The following SCAF8 variants were observed in gnomAD, a reference collection of about 807,000 sequenced individuals.
SCAF8 encodes the protein SR-related and CTD-associated factor 8.
A neutral mutation model predicts 140.5 loss-of-function variants in SCAF8; 23 were observed. That is an observed-to-expected ratio of 0.16 (90% confidence interval 0.12 to 0.23). The LOEUF (loss-of-function observed/expected upper bound fraction) is 0.23. Among genes scored for constraint, SCAF8 ranks in the 10% least tolerant of loss-of-function variants. SCAF8 has a pLI of 1.00. For missense variants in SCAF8, 1,397 were observed against 1,555.7 expected, an observed-to-expected ratio of 0.90 and a Z score of 1.72; for synonymous variants, 575 against 528.9, an observed-to-expected ratio of 1.09 and a Z score of -1.20.
At chr6:154,811,227 C>G (rs1390831164) in intron 12 of SCAF8, among the ~76,000 whole-genome samples, 1 of 152,096 alleles carries the variant, frequency 6.6e-6, no homozygotes, top group African/African-American at 2.4e-5. Flanking sequence ...GAAATAATGT[C>G]AAACGTTTAA....
In SCAF8 at chr6:154,833,119, A is replaced by G. The variant is rs147943454; in HGVS notation, c.3540A>G (p.Arg1180=). The change falls in exon 20 of 20, where the codon CGA becomes CGG. Residue 1180 remains arginine (R), a synonymous_variant. Transcript: ENST00000367178. ...CREMNGNRLG[R]DRIQNTWVPP... is the part of the protein sequence containing the mutation. The stretch of plus-strand genomic sequence containing the variant: ...AAATGAATGGAAATCGTCTTGGACG[A>G]GACAGAATTCAAAACACTTGGGTTC... 156 of 1,614,012 alleles carry G rather than the reference A, an allele frequency of 9.7e-5. No individual in the cohort carries two copies. The highest frequency in any genetic ancestry group is 1.6e-4 in the Middle Eastern group (1 of 6,084).
intron 4 of SCAF8, among the ~76,000 whole-genome samples, chr6:154,790,551 C>CCCAGGCTG (rs1777388215): frequency 8.8e-6 from 1 of 113,430 alleles, no homozygotes. Flanking sequence ...CGCTCTGTTG[C>CCCAGGCTG]CCAGGCTGGA....
At position 154,827,240 on chromosome 6, in the gene SCAF8, T is replaced by C; in HGVS notation, c.2140T>C (p.Ser714Pro). 6.3e-7 allele frequency: 1 copy of C among 1,594,748 alleles called. No homozygotes were observed. Among genetic ancestry groups the C allele is most frequent in the Non-Finnish European group, 8.5e-7 (1 of 1,170,536 alleles). The stretch of plus-strand genomic sequence containing the variant: ...TACGATTCCACCAGTAGTACCAACA[T>C]GTAAGTTTTCTACTTTTAGAGTTTT... ...PPTIPPVVPT[S>P]LVQPSLSMTP... The change falls in exon 18 of 20, where the codon TCT (serine) becomes CCT (proline). Residue 714 changes from serine (S) to proline (P), a missense_variant and splice_region_variant. Transcript: ENST00000367178.
rs562260423 is a variant in SCAF8, at chr6:154,781,698, G to T, written c.159+3653G>T. Among the ~76,000 whole-genome samples the T allele has an allele frequency of 6.0e-4, 91 of 152,184 alleles. 1 individual carries two copies. Among genetic ancestry groups the T allele is most frequent in the Non-Finnish European group, 6.0e-4 (41 of 68,038 alleles). On this transcript the variant is annotated intron_variant, in intron 3 of 19. Coordinates refer to ENST00000367178, the MANE Select transcript of SCAF8 (RefSeq NM_014892.5). ...ACAGTTTAATCATTCACTCATTGGGGTTCATCTGGGTTGTTTGTAGTTTTT... is the reference window on the plus strand; with the variant it reads ...ACAGTTTAATCATTCACTCATTGGGTTTCATCTGGGTTGTTTGTAGTTTTT...
At chr6:154,774,404 A>T (rs942180091) in intron 2 of SCAF8, among the ~76,000 whole-genome samples, 1 of 152,282 alleles carries the variant, frequency 6.6e-6, no homozygotes, top group Admixed American at 6.5e-5. Flanking sequence ...TAACATTTTG[A>T]TAAATGTTCT....
chr6:154,774,108 A>G (rs1188353051), intron 2 of SCAF8, 36 bp downstream of exon 2: 1 of 1,306,666 alleles, frequency 7.7e-7, no homozygotes, highest in Non-Finnish European at 1.1e-6. Flanking sequence ...TTTTCAAAAG[A>G]AAAAACTATA....
At chr6:154,734,320 T>A (rs1212291707) in intron 1 of SCAF8, among the ~76,000 whole-genome samples, 1 of 152,102 alleles carries the variant, frequency 6.6e-6, no homozygotes, top group African/African-American at 2.4e-5. Context: ...TGGACATGAC[T>A]CTCCAGACCT....
intron 13 of SCAF8, among the ~76,000 whole-genome samples, chr6:154,816,798 G>C (rs996603274): frequency 6.6e-6 from 1 of 152,092 alleles, no homozygotes; most frequent in Non-Finnish European, 1.5e-5. Context: ...TTCTTTATTT[G>C]AGTTGAGTTG....
chr6:154,769,164 A>C (rs1443921326), intron 1 of SCAF8, among the ~76,000 whole-genome samples: 1 of 152,054 alleles, frequency 6.6e-6, no homozygotes, highest in East Asian at 1.9e-4. Context: ...TTTGAAACAT[A>C]ATGTATTATC....
chr6:154,734,070 A>T, intron 1 of SCAF8, 140 bp downstream of exon 1: 2 of 1,287,602 alleles, frequency 1.6e-6, no homozygotes, highest in African/African-American at 1.5e-5. Flanking sequence ...CCCGTGGGGG[A>T]GGGGTGTTTC....
chr6:154,808,023 CA>C, intron 9 of SCAF8, 46 bp from the exon 10 acceptor site: 1 of 1,537,232 alleles, frequency 6.5e-7, no homozygotes, highest in Non-Finnish European at 8.8e-7. Context: ...TCATTCATAA[CA>C]AAAAGTATCT....
chr6:154,742,100 A>G (rs979365726), intron 1 of SCAF8: 14 of 914,650 alleles, frequency 1.5e-5, no homozygotes, highest in Non-Finnish European at 2.2e-5. Flanking sequence ...GTATTTGATT[A>G]TATGGTTAGT....
chr6:154,813,684 C>T (rs1778160663), intron 12 of SCAF8, among the ~76,000 whole-genome samples: 1 of 152,120 alleles, frequency 6.6e-6, no homozygotes, highest in Non-Finnish European at 1.5e-5. Context: ...AGGGACTTTT[C>T]AGGCCCTTTT....
intron 15 of SCAF8, 26 bp downstream of exon 15, chr6:154,820,359 G>GT (rs1554263641): frequency 8.9e-6 from 14 of 1,578,112 alleles, no homozygotes; most frequent in Middle Eastern, 1.7e-4. Flanking sequence ...TCTTTTTATT[G>GT]TTAAAAAAAA....
chr6:154,783,717 G>T (rs1337867631), intron 3 of SCAF8, among the ~76,000 whole-genome samples: 2 of 152,138 alleles, frequency 1.3e-5, no homozygotes, highest in African/African-American at 4.8e-5. Context: ...TCAAAGAAGC[G>T]AAACATTTAT....
Position 154,803,599 on chromosome 6 carries a change from A to T in SCAF8, c.839A>T (p.Lys280Ile). The change falls in exon 8 of 20, where the codon AAA (lysine) becomes ATA (isoleucine). Residue 280 changes from lysine (K) to isoleucine (I), a missense_variant. Physicochemically the swap from Lys to Ile is moderately radical, Grantham distance 102. Coordinates refer to ENST00000367178, the MANE Select transcript of SCAF8 (RefSeq NM_014892.5). The part of the protein sequence containing the change: ...GEDSEHSEEP[K>I]KEIPASQLSH... ...GACTCTGAGCATAGTGAAGAACCCA[A>T]AAAGGAAATTCCAGCTTCACAACTG... The T allele has an allele frequency of 1.2e-6, 2 of 1,611,842 alleles. No homozygotes were observed. The highest frequency in any genetic ancestry group is 1.7e-6 in the Non-Finnish European group (2 of 1,178,976).
intron 1 of SCAF8, among the ~76,000 whole-genome samples, chr6:154,767,478 T>A (rs940996336): frequency 6.6e-6 from 1 of 151,632 alleles, no homozygotes. Context: ...TAATGATATC[T>A]GGGAAATCAT....
intron 5 of SCAF8, 30 bp from the exon 6 acceptor site, chr6:154,794,978 TA>T (rs1777557572): frequency 6.4e-7 from 1 of 1,561,746 alleles, no homozygotes; most frequent in Non-Finnish European, 8.6e-7. Context: ...CTTACATATT[TA>T]TTTGGGGGGT....
At chr6:154,737,198 T>A (rs1313333838) in intron 1 of SCAF8, among the ~76,000 whole-genome samples, 3 of 152,186 alleles carry the variant, frequency 2.0e-5, no homozygotes, top group Non-Finnish European at 4.4e-5. Context: ...TTTTCGACGC[T>A]CATAGTTTGG....
Sources: gnomAD v4.1 joint callset for allele counts (sites outside exome capture counted in the v4.1 genomes callset) on GRCh38, gnomAD v4.1.1 for gene constraint, MANE v1.5 for transcripts, NCBI Gene and HGNC (gene_info 2026-07-23, HGNC 2026-07-21) for gene names.